NUP210: variants seen among roughly 807,000 people sequenced by gnomAD.
NUP210 encodes the protein nuclear pore membrane glycoprotein 210.
Under a neutral mutation model 196.0 loss-of-function variants are expected in NUP210, and 151 were observed. The observed-to-expected ratio is 0.77, with a 90% CI of 0.67 to 0.88. The LOEUF (loss-of-function observed/expected upper bound fraction) is 0.88. NUP210 is among the 40% of genes least tolerant of loss of function. NUP210 has a pLI of 0.00. For synonymous variants in NUP210, 1,070 were observed against 1,052.7 expected (o/e 1.02, Z -0.32); for missense variants, 2,314 against 2,493.7 (o/e 0.93, Z 1.53).
intron 1 of NUP210, among the ~76,000 whole-genome samples, chr3:13,415,959 T>C (rs1283484549): frequency 3.3e-5 from 5 of 152,106 alleles, no homozygotes; most frequent in East Asian, 1.9e-4. Context: ...CACGCAAGGG[T>C]AGTGCTGGCC....
rs1698747224 is a variant in NUP210 at position 13,371,982 on chromosome 3, C to T, written c.1638G>A (p.Glu546=). 1 of 1,600,452 alleles carries T rather than the reference C, an allele frequency of 6.2e-7. No homozygotes were observed. The highest frequency in any genetic ancestry group is 1.3e-5 in the African/African-American group (1 of 74,736). The part of the protein sequence containing the change: ...HSMEFAPCQV[E]ARVGQALELP... Reference sequence around the variant, plus strand: ...GCTCCAGGGCCTGGCCCACACGTGCCTCCACCTGGCACGGGGCAAACTCCA... The same window carrying T: ...GCTCCAGGGCCTGGCCCACACGTGCTTCCACCTGGCACGGGGCAAACTCCA... Residue 546 remains glutamate, a synonymous_variant, in exon 13 of 40, where the codon GAG becomes GAA. Coordinates refer to ENST00000254508, the MANE Select transcript of NUP210 (RefSeq NM_024923.4).
chr3:13,405,586 C>T (rs1234520179), intron 1 of NUP210, among the ~76,000 whole-genome samples: 20 of 151,624 alleles, frequency 1.3e-4, no homozygotes, highest in Admixed American at 1.3e-3. Context: ...CATATATGTC[C>T]TATTGGTTCT....
chr3:13,327,158 C>T (rs1335555353), intron 32 of NUP210, 59 bp downstream of exon 32: 4 of 1,419,704 alleles, frequency 2.8e-6, no homozygotes, highest in East Asian at 4.8e-5. Flanking sequence ...AGGTAGCCCC[C>T]ACCCAGCTTT....
At chr3:13,411,710 G>T (rs2124963148) in intron 1 of NUP210, among the ~76,000 whole-genome samples, 1 of 152,238 alleles carries the variant, frequency 6.6e-6, no homozygotes, top group South Asian at 2.1e-4. Flanking sequence ...CCCTAGCCCA[G>T]TCACATACAG....
chr3:13,319,046 G>A, intron 39 of NUP210, 26 bp downstream of exon 39: 1 of 1,581,264 alleles, frequency 6.3e-7, no homozygotes, highest in Non-Finnish European at 8.6e-7. Flanking sequence ...GCTCTGCCTG[G>A]TTGTGCCTGC....
At chr3:13,367,227 G>A (rs187997651) in intron 13 of NUP210, among the ~76,000 whole-genome samples, 22 of 150,686 alleles carry the variant, frequency 1.5e-4, no homozygotes, top group African/African-American at 2.9e-4. Flanking sequence ...ACCTGAGGTC[G>A]GGAGTTTGAG....
At chr3:13,322,640 C>T (rs563139898) in intron 34 of NUP210, among the ~76,000 whole-genome samples, 1 of 152,376 alleles carries the variant, frequency 6.6e-6, no homozygotes, top group African/African-American at 2.4e-5. Context: ...TGCCTGTCTT[C>T]TGTCCCTGTC....
intron 27 of NUP210, among the ~76,000 whole-genome samples, chr3:13,336,562 G>C (rs1473303518): frequency 1.3e-5 from 2 of 152,170 alleles, no homozygotes; most frequent in African/African-American, 4.8e-5. Flanking sequence ...TCCTCACACG[G>C]CTGCTTCTGT....
At chr3:13,352,474 C>T (rs1440244754) in intron 18 of NUP210, among the ~76,000 whole-genome samples, 13 of 152,228 alleles carry the variant, frequency 8.5e-5, no homozygotes, top group East Asian at 1.9e-4. Context: ...CTCACACACA[C>T]GCCCTGCCTT....
At chr3:13,391,845 G>C (rs546186582) in intron 3 of NUP210, among the ~76,000 whole-genome samples, 43 of 151,982 alleles carry the variant, frequency 2.8e-4, no homozygotes, top group African/African-American at 9.9e-4. Flanking sequence ...AGGGGGCAAG[G>C]AGAGCCAGGC....
At chr3:13,408,547 T>C (rs764067496) in intron 1 of NUP210, among the ~76,000 whole-genome samples, 2 of 152,178 alleles carry the variant, frequency 1.3e-5, no homozygotes, top group Non-Finnish European at 2.9e-5. Flanking sequence ...CCCAGCACTT[T>C]GGGATGCCAA....
At chr3:13,408,115 C>T (rs1017414735) in intron 1 of NUP210, among the ~76,000 whole-genome samples, 1 of 152,140 alleles carries the variant, frequency 6.6e-6, no homozygotes, top group Admixed American at 6.6e-5. Context: ...GGTGAATGTT[C>T]ATCCATGGAG....
At chr3:13,375,735 G>T in intron 10 of NUP210, 94 bp from the exon 11 acceptor site, 1 of 1,365,822 alleles carries the variant, frequency 7.3e-7, no homozygotes, top group Non-Finnish European at 1.0e-6. Context: ...CTGGGGATCG[G>T]GTCACAAAGG....
chr3:13,317,714 T>C lies in NUP210; in HGVS notation c.5631A>G (p.Ser1877=), dbSNP rs755299672. 33 of 1,611,154 alleles carry C rather than the reference T, an allele frequency of 2.0e-5. No individual in the cohort carries two copies. The African/African-American group carries it at 4.1e-4, about 20-fold the overall frequency. The part of the protein sequence containing the change: ...LPPARKASPP[S]GLWSPAYASH ...AGGCATAGGCTGGGCTCCACAGCCCTGAGGGAGGGCTGGCTTTGCGAGCAG... is the reference window on the plus strand; with the variant it reads ...AGGCATAGGCTGGGCTCCACAGCCCCGAGGGAGGGCTGGCTTTGCGAGCAG... The change falls in exon 40 of 40, where the codon TCA becomes TCG. Residue 1877 remains serine (S), a synonymous_variant. Transcript: ENST00000254508.
rs1332644973 is a variant in NUP210, at chr3:13,322,300, A to G, written c.4808T>C (p.Leu1603Ser). ...TPTQREVIQA[L>S]HPETLISCQS... Reference sequence around the variant, plus strand: ...GCAGCTGATGAGGGTCTCTGGGTGCAAGGCCTGGATGACTTCCCTCTGGGT... The same window carrying G: ...GCAGCTGATGAGGGTCTCTGGGTGCGAGGCCTGGATGACTTCCCTCTGGGT... The change falls in exon 35 of 40, where the codon TTG becomes TCG. Residue 1603 changes from leucine to serine, a missense_variant. Transcript: ENST00000254508. 1.9e-6 allele frequency: 3 copies of G among 1,614,210 alleles called. No individual in the cohort carries two copies. Among genetic ancestry groups the G allele is most frequent in the South Asian group, 1.1e-5 (1 of 91,076 alleles).
intron 15 of NUP210, 25 bp downstream of exon 15, chr3:13,360,245 G>A (rs200234941): frequency 8.8e-5 from 140 of 1,588,424 alleles, no homozygotes; most frequent in Non-Finnish European, 1.1e-4. Context: ...AGGGCAAGGA[G>A]GGTCTGGAGC....
At chr3:13,334,376 GTATGTATGTGTCTC>G (rs757995941) in intron 28 of NUP210, among the ~76,000 whole-genome samples, 16 of 152,144 alleles carry the variant, frequency 1.1e-4, no homozygotes, top group Non-Finnish European at 1.9e-4. Context: ...CCTCTGTGTT[GTATGTATGTGTCTC>G]TATGTATGTG....
chr3:13,360,332 G>A lies in NUP210; in HGVS notation c.2092C>T (p.His698Tyr), dbSNP rs766228310. The change falls in exon 15 of 40, where the codon CAT (histidine) becomes TAT (tyrosine). Residue 698 changes from histidine (H) to tyrosine (Y), a missense_variant. His to Tyr is a moderately conservative substitution (Grantham distance 83, BLOSUM62 2). Transcript: ENST00000254508. ...TGTTGCTGATAATTCCGGGAGGAATGGGGGGCAAAGAGAGCCAGGCCGATG... is the reference window on the plus strand; with the variant it reads ...TGTTGCTGATAATTCCGGGAGGAATAGGGGGCAAAGAGAGCCAGGCCGATG... Reference protein sequence around the residue: ...DSIGLALFAPHSSRNYQQHWI... With the variant: ...DSIGLALFAPYSSRNYQQHWI... The A allele has an allele frequency of 3.7e-6, 6 of 1,614,096 alleles. No individual in the cohort carries two copies. Among genetic ancestry groups the A allele is most frequent in the Non-Finnish European group, 1.7e-6 (2 of 1,180,032 alleles).
In NUP210 at chr3:13,330,644, A is replaced by G. The variant is rs758576256; in HGVS notation, c.3936-10T>C. 1.2e-6 allele frequency: 2 copies of G among 1,613,092 alleles called. No homozygotes were observed. The highest frequency in any genetic ancestry group is 1.1e-5 in the South Asian group (1 of 90,964). On this transcript the variant is annotated splice_polypyrimidine_tract_variant and intron_variant, in intron 29 of 39. Transcript: ENST00000254508. ...AGAGGCTGCACCATCCCTTTGGAAA[A>G]CAAAACAGAGCTGTTTTTGTAGATG... is the stretch of plus-strand genomic sequence containing the variant.
Sources: gnomAD v4.1 joint callset for allele counts (sites outside exome capture counted in the v4.1 genomes callset) on GRCh38, gnomAD v4.1.1 for gene constraint, MANE v1.5 for transcripts, NCBI Gene and HGNC (gene_info 2026-07-23, HGNC 2026-07-21) for gene names.